FBXL4: variants seen among roughly 807,000 people sequenced by gnomAD.
The protein encoded by FBXL4 is F-box and leucine rich repeat protein 4.
FBXL4 carries 40 observed loss-of-function variants against 58.9 expected under a neutral mutation model. That is an observed-to-expected ratio of 0.68 (90% confidence interval 0.53 to 0.88). FBXL4 has a LOEUF of 0.88. FBXL4 is among the 40% of genes least tolerant of loss of function. The pLI is 0.00. For synonymous variants in FBXL4, 263 were observed against 265.5 expected (o/e 0.99, Z 0.09); for missense variants, 676 against 734.4 (o/e 0.92, Z 0.92).
intron 6 of FBXL4, among the ~76,000 whole-genome samples, chr6:98,901,251 G>A (rs752650979): frequency 6.6e-6 from 1 of 152,124 alleles, no homozygotes; most frequent in Non-Finnish European, 1.5e-5. Context: ...GTAAAACCCT[G>A]AAGGAAGCGA....
At chr6:98,885,738 T>C (rs976594071) in intron 7 of FBXL4, among the ~76,000 whole-genome samples, 4 of 152,224 alleles carry the variant, frequency 2.6e-5, no homozygotes, top group Admixed American at 2.0e-4. Flanking sequence ...CAATTCGTCC[T>C]GCAGATTTTG....
Position 98,874,169 on chromosome 6 carries a change from C to T in FBXL4, c.*109G>A. On this transcript the variant is annotated 3_prime_UTR_variant, in exon 10 of 10. Coordinates refer to ENST00000369244, the MANE Select transcript of FBXL4 (RefSeq NM_001278716.2). ...ATTTCATATTTTTCTTTAAAATCTA[C>T]AAATGTCTTAATTCTTACCATTAAA... 1 of 777,348 alleles carries T rather than the reference C, an allele frequency of 1.3e-6. No homozygotes were observed. The highest frequency in any genetic ancestry group is 1.9e-6 in the Non-Finnish European group (1 of 524,844). The allele number at this position is 777,348 out of a possible 1,614,324, so 48.2% of individuals were successfully genotyped here. A position where few individuals can be genotyped will look rare whatever the true frequency, so the allele number is the denominator to read the frequency against.
chr6:98,905,781 A>G (rs1402172807), intron 5 of FBXL4, 111 bp from the exon 6 acceptor site: 2 of 1,062,584 alleles, frequency 1.9e-6, no homozygotes, highest in African/African-American at 3.2e-5. Context: ...TTATAACAAT[A>G]TTTTCACATA....
intron 2 of FBXL4, among the ~76,000 whole-genome samples, chr6:98,932,417 G>A (rs935515244): frequency 1.3e-5 from 2 of 152,054 alleles, no homozygotes; most frequent in Non-Finnish European, 2.9e-5. Flanking sequence ...TACAACTTAG[G>A]TTTAAACCAC....
intron 7 of FBXL4, among the ~76,000 whole-genome samples, chr6:98,887,525 A>C (rs929043405): frequency 5.3e-5 from 8 of 152,234 alleles, no homozygotes; most frequent in Admixed American, 5.2e-4. Context: ...ATTTCAAGTC[A>C]TAGAAGAGGA....
intron 5 of FBXL4, among the ~76,000 whole-genome samples, chr6:98,911,034 CCTGGCTCGG>C (rs1384558161): frequency 6.3e-5 from 4 of 63,384 alleles, no homozygotes; most frequent in Admixed American, 1.4e-4. Flanking sequence ...ATATCCCGCA[CCTGGCTCGG>C]AGGGTCCTAC....
intron 1 of FBXL4, among the ~76,000 whole-genome samples, chr6:98,939,075 CAA>C (rs3068704): frequency 9.1e-4 from 23 of 25,258 alleles, no homozygotes; most frequent in South Asian, 2.0e-3. Flanking sequence ...GACCTTGTCT[CAA>C]AAAAAAAAAA....
chr6:98,905,716 A>T lies in FBXL4; in HGVS notation c.859-46T>A, dbSNP rs1257255869. ...AAGATCATCAAGAGTGAAAAGCAGT[A>T]TCATTCTATGAAACATATAACATAA... On this transcript the variant is annotated intron_variant, in intron 5 of 9. Transcript: ENST00000369244. 1.9e-6 allele frequency: 3 copies of T among 1,586,126 alleles called. No homozygotes were observed. The Admixed American group carries it at 5.1e-5, about 27-fold the overall frequency.
intron 2 of FBXL4, among the ~76,000 whole-genome samples, chr6:98,933,451 C>G (rs1206914808): frequency 3.3e-5 from 5 of 152,178 alleles, no homozygotes. Flanking sequence ...CCACCATGCC[C>G]TCAGCAGCAC....
At chr6:98,887,244 C>T (rs555595036) in intron 7 of FBXL4, among the ~76,000 whole-genome samples, 10 of 152,100 alleles carry the variant, frequency 6.6e-5, no homozygotes, top group Non-Finnish European at 1.5e-5. Context: ...CCAGCCTAAG[C>T]GAATGAGCAA....
intron 1 of FBXL4, among the ~76,000 whole-genome samples, chr6:98,941,235 A>G (rs1177130507): frequency 1.3e-5 from 2 of 152,166 alleles, no homozygotes; most frequent in African/African-American, 4.8e-5. Context: ...AGGAAAAAAA[A>G]AAAGAAAGAA....
chr6:98,898,587 A>G (rs1024196972), intron 7 of FBXL4: 2 of 945,414 alleles, frequency 2.1e-6, no homozygotes, highest in African/African-American at 3.5e-5. Context: ...CCTGGGCAAC[A>G]GAGTGAGACT....
chr6:98,894,989 T>C (rs1325551074), intron 7 of FBXL4, among the ~76,000 whole-genome samples: 2 of 152,134 alleles, frequency 1.3e-5, no homozygotes, highest in Non-Finnish European at 2.9e-5. Context: ...ACAGTTCTAT[T>C]CTCCTGAGGT....
At chr6:98,884,504 T>C (rs1770964647) in intron 7 of FBXL4, among the ~76,000 whole-genome samples, 1 of 152,138 alleles carries the variant, frequency 6.6e-6, no homozygotes, top group African/African-American at 2.4e-5. Context: ...GTTACCTTCT[T>C]TCAACACTCT....
chr6:98,911,427 C>T (rs1772062088), intron 5 of FBXL4, among the ~76,000 whole-genome samples: 1 of 152,192 alleles, frequency 6.6e-6, no homozygotes, highest in Non-Finnish European at 1.5e-5. Flanking sequence ...TGGGAGGCAC[C>T]CTCCAGTAGG....
At chr6:98,911,531 G>A (rs1772069184) in intron 5 of FBXL4, among the ~76,000 whole-genome samples, 1 of 152,176 alleles carries the variant, frequency 6.6e-6, no homozygotes, top group African/African-American at 2.4e-5. Flanking sequence ...ACGAAAATCT[G>A]CGGTTCTGCA....
At chr6:98,935,037 G>A (rs188638629) in intron 1 of FBXL4, among the ~76,000 whole-genome samples, 158 bp from the exon 2 acceptor site, 1 of 152,288 alleles carries the variant, frequency 6.6e-6, no homozygotes, top group Admixed American at 6.5e-5. Context: ...TAAAGGGCAG[G>A]AACTAAGCAA....
At chr6:98,878,036 A>T (rs751789772) in intron 8 of FBXL4, among the ~76,000 whole-genome samples, 1 of 152,222 alleles carries the variant, frequency 6.6e-6, no homozygotes, top group Non-Finnish European at 1.5e-5. Flanking sequence ...CTTGTGGCAC[A>T]AAGATTAGTT....
At chr6:98,943,579 CAAAAAAAAAAAAA>C (rs59697294) in intron 1 of FBXL4, among the ~76,000 whole-genome samples, 1 of 76,692 alleles carries the variant, frequency 1.3e-5, no homozygotes, top group Non-Finnish European at 2.3e-5. Context: ...GACTCTGTCT[CAAAAAAAAAAAAA>C]AAAAAAAAGA....
Sources: allele counts gnomAD v4.1 joint callset (sites outside exome capture counted in the v4.1 genomes callset), GRCh38; gene constraint gnomAD v4.1.1; transcripts MANE v1.5; gene names NCBI Gene and HGNC (gene_info 2026-07-23, HGNC 2026-07-21).